Variants in FAM13B observed in about 807,000 individuals in gnomAD.
FAM13B encodes protein FAM13B.
A neutral mutation model predicts 117.3 loss-of-function variants in FAM13B; 60 were observed. The ratio of observed to expected loss-of-function variants is 0.51; its 90% confidence interval spans 0.42 to 0.63. The LOEUF (loss-of-function observed/expected upper bound fraction) is 0.63. Among genes scored for constraint, FAM13B ranks in the 30% least tolerant of loss-of-function variants. FAM13B has a pLI of 0.00. For synonymous variants in FAM13B, 332 were observed against 356.1 expected (o/e 0.93, Z 0.76); for missense variants, 972 against 1,091.9 (o/e 0.89, Z 1.55).
At position 137,956,547 on chromosome 5, in the gene FAM13B, T is replaced by C. The variant is rs770111261; in HGVS notation, c.1442-5A>G. On this transcript the variant is annotated splice_polypyrimidine_tract_variant and splice_region_variant and intron_variant, in intron 13 of 23. Coordinates refer to ENST00000689681, the MANE Select transcript of FAM13B (RefSeq NM_001385994.1). ...GAAAAGTGATAGGGCATGACGCTAA[T>C]AAAATGGAAAAAATGGCAAAAAATA... The C allele has an allele frequency of 1.3e-6, 2 of 1,583,094 alleles. No homozygotes were observed. The highest frequency in any genetic ancestry group is 1.8e-5 in the Admixed American group (1 of 55,890).
chr5:138,020,482 GT>G lies in FAM13B; in HGVS notation c.-36+548del. ...CAGTAAAGAAGTGGGAGAAAACAAT[GT>G]CTCAGATGGCCATTTCCAATATCTG... On this transcript the variant is annotated intron_variant, in intron 2 of 23. Coordinates refer to ENST00000689681, the MANE Select transcript of FAM13B (RefSeq NM_001385994.1). Among the ~76,000 whole-genome samples, 2 of 152,310 alleles carry G rather than the reference GT, an allele frequency of 1.3e-5. 1 individual carries two copies. The highest frequency in any genetic ancestry group is 6.8e-3 in the Middle Eastern group (2 of 294).
chr5:138,020,930 C>G (rs1786566842), intron 2 of FAM13B, 101 bp downstream of exon 2: 1 of 724,564 alleles, frequency 1.4e-6, no homozygotes, highest in South Asian at 7.4e-5. Context: ...CAGCTAAGAA[C>G]TATAAAACCT....
At chr5:138,024,456 G>A (rs1787635744) in intron 1 of FAM13B, among the ~76,000 whole-genome samples, 1 of 151,782 alleles carries the variant, frequency 6.6e-6, no homozygotes, top group African/African-American at 2.4e-5. Flanking sequence ...CTTCCTTTTG[G>A]GCTTCTACCC....
upstream of FAM13B, among the ~76,000 whole-genome samples, chr5:138,034,429 C>G (rs1790868246): frequency 6.6e-6 from 1 of 152,204 alleles, no homozygotes; most frequent in Non-Finnish European, 1.5e-5. Context: ...ATTCCAAACT[C>G]AGCTAGTAGC....
At position 137,962,447 on chromosome 5, in the gene FAM13B, G is replaced by A; in HGVS notation, c.1202C>T (p.Pro401Leu). Residue 401 changes from proline to leucine, a missense_variant, in exon 11 of 24, where the codon CCA becomes CTA. Coordinates refer to ENST00000689681, the MANE Select transcript of FAM13B (RefSeq NM_001385994.1). Reference protein sequence around the residue: ...NTQSVGILLEPCSDRGDSEDG... With the variant: ...NTQSVGILLELCSDRGDSEDG... ...TTCACTATCACCACGGTCACTGCATGGCTCTAACAATATACCTACAGACTG... is the reference window on the plus strand; with the variant it reads ...TTCACTATCACCACGGTCACTGCATAGCTCTAACAATATACCTACAGACTG... 6.2e-7 allele frequency: 1 copy of A among 1,613,664 alleles called. No homozygotes were observed. The highest frequency in any genetic ancestry group is 1.1e-5 in the South Asian group (1 of 90,986).
intron 10 of FAM13B, among the ~76,000 whole-genome samples, chr5:137,980,440 CTTTT>C (rs11309404): frequency 1.3e-4 from 11 of 84,948 alleles, no homozygotes; most frequent in Admixed American, 2.7e-4. Context: ...ACACTAATTT[CTTTT>C]TTTTTTTTTT....
intron 7 of FAM13B, among the ~76,000 whole-genome samples, chr5:137,996,691 A>C (rs1056903703): frequency 1.1e-4 from 16 of 151,976 alleles, no homozygotes; most frequent in Non-Finnish European, 5.9e-5. Context: ...TTCCGCGTTC[A>C]AGCGATTCTC....
At chr5:138,007,361 G>C (rs1021761234) in intron 6 of FAM13B, among the ~76,000 whole-genome samples, 3 of 152,154 alleles carry the variant, frequency 2.0e-5, no homozygotes, top group Non-Finnish European at 4.4e-5. Flanking sequence ...AGCAGGATTA[G>C]TGTATCACTA....
rs771780382 is a variant in FAM13B at position 137,987,541 on chromosome 5, A to C, written c.966T>G (p.Leu322=). 6.2e-7 allele frequency: 1 copy of C among 1,613,568 alleles called. No individual in the cohort carries two copies. The highest frequency in any genetic ancestry group is 2.2e-5 in the East Asian group (1 of 44,790). Residue 322 remains leucine, a synonymous_variant, in exon 9 of 24, where the codon CTT becomes CTG. Coordinates refer to ENST00000689681, the MANE Select transcript of FAM13B (RefSeq NM_001385994.1). The stretch of plus-strand genomic sequence containing the variant: ...CCACACTTTGCTGTTGTAAATTCTT[A>C]AGATCATGATCTATGCTGCTCTGAA... ...FDLQSSIDHD[L]KNLQQQSVVC...
chr5:137,976,239 A>G (rs2150459741), intron 10 of FAM13B, among the ~76,000 whole-genome samples: 1 of 152,074 alleles, frequency 6.6e-6, no homozygotes, highest in Admixed American at 6.5e-5. Flanking sequence ...ACAGGCGTGA[A>G]CCACCATGCC....
chr5:138,009,463 G>T (rs1406542337), intron 6 of FAM13B, among the ~76,000 whole-genome samples: 8 of 151,532 alleles, frequency 5.3e-5, no homozygotes, highest in Non-Finnish European at 1.2e-4. Flanking sequence ...TATCCATCTG[G>T]TAATCTAAGC....
At chr5:137,992,497 G>C (rs778730069) in intron 7 of FAM13B, among the ~76,000 whole-genome samples, 2 of 152,050 alleles carry the variant, frequency 1.3e-5, no homozygotes, top group Non-Finnish European at 2.9e-5. Flanking sequence ...GGGAGGCTGA[G>C]GCAGGGGAAT....
chr5:137,991,042 T>C (rs1204972644), intron 7 of FAM13B, among the ~76,000 whole-genome samples: 1 of 152,146 alleles, frequency 6.6e-6, no homozygotes, highest in Non-Finnish European at 1.5e-5. Context: ...TTATCCTAGA[T>C]ACAAAAGGGG....
intron 23 of FAM13B, 119 bp downstream of exon 23, chr5:137,941,825 T>C: frequency 1.3e-6 from 1 of 798,410 alleles, no homozygotes; most frequent in Non-Finnish European, 2.0e-6. Flanking sequence ...TTTTAAAATT[T>C]TTCAGTGCTA....
At chr5:137,994,655 T>C (rs1337924047) in intron 7 of FAM13B, among the ~76,000 whole-genome samples, 5 of 152,212 alleles carry the variant, frequency 3.3e-5, no homozygotes, top group African/African-American at 1.2e-4. Context: ...GCTAATTGTA[T>C]TCATTCAACC....
At chr5:138,002,767 G>A (rs1251803876) in intron 7 of FAM13B, among the ~76,000 whole-genome samples, 2 of 143,126 alleles carry the variant, frequency 1.4e-5, no homozygotes, top group Non-Finnish European at 3.0e-5. Context: ...CCGGGTTCAC[G>A]CCATTCTCCT....
intron 7 of FAM13B, among the ~76,000 whole-genome samples, chr5:138,004,968 T>C (rs1782182795): frequency 6.6e-6 from 1 of 152,212 alleles, no homozygotes; most frequent in South Asian, 2.1e-4. Flanking sequence ...CCGGGTGCAG[T>C]GGCTCACTCC....
chr5:137,964,996 G>C lies in FAM13B; in HGVS notation c.1180-2527C>G, dbSNP rs555510716. Among the ~76,000 whole-genome samples, 32 of 151,756 alleles carry C rather than the reference G, an allele frequency of 2.1e-4. 1 individual carries two copies. The highest frequency in any genetic ancestry group is 2.0e-3 in the Admixed American group (31 of 15,222). On this transcript the variant is annotated intron_variant, in intron 10 of 23. Coordinates refer to ENST00000689681, the MANE Select transcript of FAM13B (RefSeq NM_001385994.1). ...AGCCTGGCCAACATGGTGAAATCCC[G>C]TCTACTAAAAATACAAAAATCAGCC...
intron 10 of FAM13B, among the ~76,000 whole-genome samples, chr5:137,966,410 C>A (rs1769771221): frequency 7.0e-6 from 1 of 142,948 alleles, no homozygotes; most frequent in African/African-American, 2.6e-5. Flanking sequence ...GCACTCCAGC[C>A]TGGGTGACAG....
Sources: allele counts gnomAD v4.1 joint callset (sites outside exome capture counted in the v4.1 genomes callset), GRCh38; gene constraint gnomAD v4.1.1; transcripts MANE v1.5; gene names NCBI Gene and HGNC (gene_info 2026-07-23, HGNC 2026-07-21).